KIF13B: variants seen among roughly 807,000 people sequenced by gnomAD.
KIF13B encodes the protein kinesin family member 13B, also known as kinesin-like protein KIF13B.
Under a neutral mutation model 222.0 loss-of-function variants are expected in KIF13B, and 127 were observed. The ratio of observed to expected loss-of-function variants is 0.57; its 90% CI spans 0.50 to 0.66. The LOEUF is 0.66. Among genes scored for constraint, KIF13B ranks in the 30% least tolerant of loss-of-function variants. The pLI is 0.00. For missense variants in KIF13B, 2,173 were observed against 2,379.0 expected, an observed-to-expected ratio of 0.91 and a Z score of 1.80; for synonymous variants, 976 against 919.0, an observed-to-expected ratio of 1.06 and a Z score of -1.12.
intron 1 of KIF13B, among the ~76,000 whole-genome samples, chr8:29,250,271 C>G (rs1816223154): frequency 1.3e-5 from 2 of 152,098 alleles, no homozygotes. Context: ...TCAAACATTT[C>G]CCCCACAATA....
At chr8:29,129,461 C>T (rs767782966) in intron 24 of KIF13B, among the ~76,000 whole-genome samples, 6 of 152,132 alleles carry the variant, frequency 3.9e-5, no homozygotes, top group Non-Finnish European at 8.8e-5. Context: ...TATCATCATC[C>T]TCCTCTTAAA....
chr8:29,186,001 ACT>A (rs1812908599), intron 6 of KIF13B, among the ~76,000 whole-genome samples: 1 of 152,104 alleles, frequency 6.6e-6, no homozygotes. Context: ...TTAAAAACTC[ACT>A]GTCCTAAAGA....
intron 2 of KIF13B, among the ~76,000 whole-genome samples, chr8:29,199,713 T>A (rs955748170): frequency 6.6e-6 from 1 of 152,170 alleles, no homozygotes; most frequent in Non-Finnish European, 1.5e-5. Flanking sequence ...AAGGTCCACG[T>A]TCTTGCCCAC....
intron 37 of KIF13B, among the ~76,000 whole-genome samples, chr8:29,088,494 A>G (rs1206828354): frequency 6.6e-6 from 1 of 152,164 alleles, no homozygotes; most frequent in East Asian, 1.9e-4. Flanking sequence ...AGACTGGTTG[A>G]TTATCTTGTT....
At chr8:29,102,125 CA>C (rs1720055409) in intron 35 of KIF13B, among the ~76,000 whole-genome samples, 1 of 151,936 alleles carries the variant, frequency 6.6e-6, no homozygotes, top group Admixed American at 6.6e-5. Flanking sequence ...TGAAGCAACC[CA>C]GTTCAATGTA....
intron 2 of KIF13B, among the ~76,000 whole-genome samples, chr8:29,212,361 G>C (rs961194732): frequency 1.2e-4 from 18 of 152,304 alleles, no homozygotes; most frequent in Admixed American, 1.2e-3. Flanking sequence ...CCAACACCCA[G>C]TGCAGCATCG....
At chr8:29,219,001 A>G (rs1021786099) in intron 2 of KIF13B, 5 of 152,276 alleles carry the variant, frequency 3.3e-5, no homozygotes, top group Admixed American at 3.3e-4. Flanking sequence ...AGAGCTTCCT[A>G]AGAAGTGCTC....
At chr8:29,222,695 C>T (rs1586947312) in intron 2 of KIF13B, among the ~76,000 whole-genome samples, 1 of 152,072 alleles carries the variant, frequency 6.6e-6, no homozygotes. Context: ...TGATTCAGAT[C>T]ATAAAAGTCA....
intron 2 of KIF13B, among the ~76,000 whole-genome samples, chr8:29,198,507 G>C (rs1478315883): frequency 6.6e-6 from 1 of 152,096 alleles, no homozygotes; most frequent in African/African-American, 2.4e-5. Context: ...ATTTTTAGTA[G>C]AGATGGGGTT....
chr8:29,197,553 T>G (rs529839422), intron 2 of KIF13B, among the ~76,000 whole-genome samples: 86 of 150,570 alleles, frequency 5.7e-4, no homozygotes, highest in African/African-American at 2.0e-3. Context: ...CACATATATG[T>G]TTTTTTTTCC....
chr8:29,127,021 C>T lies in KIF13B; in HGVS notation c.3222+101G>A, dbSNP rs537200395. ...CAGCAAAGGTAAACAAAGAGATTCA[C>T]GGAAAGAAATGTTCATAAAAAGTAG... On this transcript the variant is annotated intron_variant, in intron 25 of 39. Transcript: ENST00000524189. 1.5e-4 allele frequency: 156 copies of T among 1,023,774 alleles called. 1 individual carries two copies. In the South Asian group the frequency reaches 2.3e-3, roughly 15 times the overall value. The allele number at this position is 1,023,774 out of a possible 1,614,324, so 63.4% of individuals were successfully genotyped here.
intron 2 of KIF13B, among the ~76,000 whole-genome samples, chr8:29,204,413 A>G (rs1175504545): frequency 6.6e-6 from 1 of 152,176 alleles, no homozygotes; most frequent in Non-Finnish European, 1.5e-5. Flanking sequence ...CACTTTCACT[A>G]TAAGAAAGCT....
chr8:29,262,849 C>T, intron 1 of KIF13B, 131 bp downstream of exon 1: 1 of 640,676 alleles, frequency 1.6e-6, no homozygotes, highest in East Asian at 3.5e-5. Flanking sequence ...TTCAGGGTCC[C>T]CGGGCCCCTC....
chr8:29,259,573 C>G (rs1004344410), intron 1 of KIF13B, among the ~76,000 whole-genome samples: 4 of 152,210 alleles, frequency 2.6e-5, no homozygotes, highest in African/African-American at 9.6e-5. Context: ...GGCACTCAAT[C>G]AATGTTTGCT....
intron 2 of KIF13B, among the ~76,000 whole-genome samples, chr8:29,235,326 A>G (rs1815461930): frequency 6.6e-6 from 1 of 152,208 alleles, no homozygotes; most frequent in South Asian, 2.1e-4. Context: ...AAGATAATCT[A>G]TCTATCTAGT....
chr8:29,110,551 C>G (rs1336509701), intron 32 of KIF13B: 2 of 158,922 alleles, frequency 1.3e-5, no homozygotes, highest in Non-Finnish European at 2.8e-5. Context: ...CAGCGCCTGC[C>G]ACCAAGCAGC....
chr8:29,231,000 C>T (rs1012370379), intron 2 of KIF13B, among the ~76,000 whole-genome samples: 38 of 152,192 alleles, frequency 2.5e-4, no homozygotes, highest in African/African-American at 8.7e-4. Flanking sequence ...CTTGTCTCAG[C>T]CTCCCAAGTA....
At chr8:29,211,400 A>G (rs776298721) in intron 2 of KIF13B, among the ~76,000 whole-genome samples, 33 of 133,056 alleles carry the variant, frequency 2.5e-4, no homozygotes, top group Non-Finnish European at 4.8e-4. Context: ...AAGGGAAGTG[A>G]GCCCTTCGAC....
rs3838714 is a variant in KIF13B, at chr8:29,126,653, CCTCA to C, written c.3223-146_3223-143del. 3.8e-4 allele frequency: 245 copies of C among 649,990 alleles called. No homozygotes were observed. In the East Asian group the frequency reaches 6.5e-3, roughly 17 times the overall value. 40.3% of individuals were successfully genotyped at this position (649,990 alleles called of 1,614,324 possible). Reference sequence around the variant, plus strand: ...TATTTCATCTCCCACCTACCCACACCCTCACTCTGGGTTTTACAGTTGTCAGGAA... The same window carrying C: ...TATTTCATCTCCCACCTACCCACACCCTCTGGGTTTTACAGTTGTCAGGAA... On this transcript the variant is annotated intron_variant, in intron 25 of 39. Coordinates refer to ENST00000524189, the MANE Select transcript of KIF13B (RefSeq NM_015254.4).
Sources: allele counts gnomAD v4.1 joint callset (sites outside exome capture counted in the v4.1 genomes callset), GRCh38; gene constraint gnomAD v4.1.1; transcripts MANE v1.5; gene names NCBI Gene and HGNC (gene_info 2026-07-23, HGNC 2026-07-21).